Variants in QSER1 observed in about 807,000 individuals in gnomAD.
QSER1 encodes the protein glutamine and serine-rich protein 1.
A neutral mutation model predicts 158.5 loss-of-function variants in QSER1; 49 were observed. The ratio of observed to expected loss-of-function variants is 0.31; its 90% CI spans 0.25 to 0.39. QSER1 has a LOEUF of 0.39. Ranked by LOEUF, QSER1 falls within the 10% of genes least tolerant of loss-of-function variation. QSER1 has a pLI of 1.00. For synonymous variants in QSER1, 650 were observed against 715.5 expected (o/e 0.91, Z 1.46); for missense variants, 1,754 against 2,010.3 (o/e 0.87, Z 2.44).
chr11:32,922,517 C>G (rs1047761821), intron 1 of QSER1, among the ~76,000 whole-genome samples: 7 of 141,390 alleles, frequency 5.0e-5, no homozygotes, highest in African/African-American at 1.9e-4. Flanking sequence ...CAGAGTCTCA[C>G]TCTGTCACCC....
chr11:32,946,471 T>C (rs1254937359), intron 4 of QSER1, among the ~76,000 whole-genome samples: 1 of 152,074 alleles, frequency 6.6e-6, no homozygotes, highest in East Asian at 1.9e-4. Context: ...GACCCTCAGC[T>C]GCAGGTCTGT....
At position 32,892,947 on chromosome 11, in the gene QSER1, G is replaced by T. The variant is rs1851500591; in HGVS notation, c.-179G>T. Among the ~76,000 whole-genome samples the T allele has an allele frequency of 6.9e-6, 1 of 144,532 alleles. No homozygotes were observed. The highest frequency in any genetic ancestry group is 1.5e-5 in the Non-Finnish European group (1 of 65,700). The allele number at this position is 144,532 out of a possible 152,430, so 94.8% of individuals were successfully genotyped here. A position where few individuals can be genotyped will look rare whatever the true frequency, so the allele number is the denominator to read the frequency against. The stretch of plus-strand genomic sequence containing the variant: ...CGCCCGCCGCGGCCCGGGTCTTTGC[G>T]GCCCAGACTCGCCAGCGCGCCCTTC... On this transcript the variant is annotated 5_prime_UTR_variant, in exon 1 of 13. Transcript: ENST00000650167.
At chr11:32,907,379 T>G (rs143306418) in intron 1 of QSER1, among the ~76,000 whole-genome samples, 15 of 152,362 alleles carry the variant, frequency 9.8e-5, no homozygotes, top group Non-Finnish European at 1.9e-4. Context: ...TTGTGATAAA[T>G]GTATTTTTGG....
At chr11:32,958,495 C>G (rs1330905403) in intron 8 of QSER1, among the ~76,000 whole-genome samples, 1 of 152,094 alleles carries the variant, frequency 6.6e-6, no homozygotes, top group East Asian at 1.9e-4. Flanking sequence ...TCGTAACTCT[C>G]CTACCTCAGC....
chr11:32,956,780 A>G (rs187541627), intron 7 of QSER1, among the ~76,000 whole-genome samples: 50 of 152,248 alleles, frequency 3.3e-4, no homozygotes, highest in African/African-American at 1.2e-3. Context: ...GAAGAGAGCA[A>G]ATCTTTTTTA....
intron 1 of QSER1, among the ~76,000 whole-genome samples, chr11:32,896,904 A>G (rs1180602288): frequency 1.4e-4 from 21 of 152,206 alleles, no homozygotes; most frequent in Non-Finnish European, 8.8e-5. Flanking sequence ...TTTTTGGGAA[A>G]AGGCCTTATA....
intron 4 of QSER1, among the ~76,000 whole-genome samples, chr11:32,944,933 A>T (rs202193843): frequency 1.4e-5 from 2 of 139,194 alleles, no homozygotes; most frequent in Non-Finnish European, 3.1e-5. Context: ...TATTGGGTGC[A>T]TATATATTTA....
chr11:32,964,733 TATATATACACACACACAC>T (rs1852699704), intron 8 of QSER1, among the ~76,000 whole-genome samples: 4 of 115,288 alleles, frequency 3.5e-5, no homozygotes, highest in African/African-American at 9.7e-5. Flanking sequence ...TATATATATA[TATATATACACACACACAC>T]ACACACACAC....
At chr11:32,923,038 GTC>G (rs1267003697) in intron 1 of QSER1, among the ~76,000 whole-genome samples, 1 of 152,106 alleles carries the variant, frequency 6.6e-6, no homozygotes, top group African/African-American at 2.4e-5. Flanking sequence ...TGCCCCAGAT[GTC>G]TCTCAACTGG....
rs370910671 is a variant in QSER1, at chr11:32,974,657, A to G, written c.5359-591A>G. Among the ~76,000 whole-genome samples, 26 of 152,342 alleles carry G rather than the reference A, an allele frequency of 1.7e-4. No homozygotes were observed. In the South Asian group the frequency reaches 2.7e-3, roughly 16 times the overall value. ...TGAGTGCCTATAGTATGCCAAGTAC[A>G]GTTCTAAGTACTAGAGATACAACAG... On this transcript the variant is annotated intron_variant, in intron 11 of 12. Coordinates refer to ENST00000650167, the MANE Select transcript of QSER1 (RefSeq NM_001076786.3).
At chr11:32,925,530 A>C (rs933862085) in intron 1 of QSER1, among the ~76,000 whole-genome samples, 1 of 130,338 alleles carries the variant, frequency 7.7e-6, no homozygotes, top group African/African-American at 2.7e-5. Context: ...TTATTTATTT[A>C]TTTATTTATT....
chr11:32,893,209 C>T lies in QSER1; in HGVS notation c.84C>T (p.Ala28=), dbSNP rs1280589161. The change falls in exon 1 of 13, where the codon GCC becomes GCT. Residue 28 remains alanine, a synonymous_variant. Transcript: ENST00000650167. This position sits in a 1 kb window ranked among gnomAD's most constrained non-coding sequence, Gnocchi z 4.7. ...PPAPPAAPVP[A]SAAAQPPAPA... is the part of the protein sequence containing the mutation. ...CGCCCCCCGCCGCCCCCGTCCCCGC[C>T]AGCGCCGCTGCGCAGCCCCCCGCCC... The T allele has an allele frequency of 6.7e-6, 1 of 148,260 alleles. No homozygotes were observed. The highest frequency in any genetic ancestry group is 2.0e-4 in the East Asian group (1 of 5,034). 9.2% of individuals were successfully genotyped at this position (148,260 alleles called of 1,614,324 possible).
Position 32,964,751 on chromosome 11 carries a change from C to T in QSER1, c.4970-1549C>T, listed in dbSNP as rs1386491597. Among the ~76,000 whole-genome samples, 179 of 134,112 alleles carry T rather than the reference C, an allele frequency of 1.3e-3. 3 individuals are homozygous for T. Among genetic ancestry groups the T allele is most frequent in the East Asian group, 0.012 (56 of 4,826 alleles). 88.0% of individuals were successfully genotyped at this position (134,112 alleles called of 152,430 possible). On this transcript the variant is annotated intron_variant, in intron 8 of 12. Coordinates refer to ENST00000650167, the MANE Select transcript of QSER1 (RefSeq NM_001076786.3). ...ATATATATATATATACACACACACA[C>T]ACACACACACACACACACACACACA...
chr11:32,914,627 A>G (rs1293387622), intron 1 of QSER1, among the ~76,000 whole-genome samples: 1 of 152,146 alleles, frequency 6.6e-6, no homozygotes, highest in East Asian at 1.9e-4. Flanking sequence ...AATGTGTTTT[A>G]TTTCTTAAGC....
chr11:32,963,190 C>T (rs1427021590), intron 8 of QSER1, among the ~76,000 whole-genome samples: 1 of 152,222 alleles, frequency 6.6e-6, no homozygotes, highest in Non-Finnish European at 1.5e-5. Context: ...AGGTCTCACT[C>T]TGTCACCCAG....
At chr11:32,926,076 G>A (rs985065533) in intron 1 of QSER1, 1 of 152,068 alleles carries the variant, frequency 6.6e-6, no homozygotes, top group Non-Finnish European at 1.5e-5. Flanking sequence ...TTGGGTGACA[G>A]AGACCCTGTC....
At position 32,932,185 on chromosome 11, in the gene QSER1, A is replaced by G; in HGVS notation, c.927A>G (p.Arg309=). The change falls in exon 4 of 13, where the codon AGA becomes AGG. Residue 309 remains arginine, a synonymous_variant. Transcript: ENST00000650167. The part of the protein sequence containing the change: ...LFTSSTASIE[R]ALLRECSVIK... ...CTAGTTCTACTGCTTCCATTGAAAG[A>G]GCTCTTCTTCGAGAATGTAGTGTTA... The G allele has an allele frequency of 1.2e-6, 2 of 1,614,202 alleles. No homozygotes were observed. Among genetic ancestry groups the G allele is most frequent in the Non-Finnish European group, 1.7e-6 (2 of 1,180,040 alleles).
chr11:32,952,368 A>G (rs1420859089), intron 4 of QSER1, among the ~76,000 whole-genome samples: 3 of 147,278 alleles, frequency 2.0e-5, no homozygotes, highest in Non-Finnish European at 3.0e-5. Context: ...ACCTATTGAA[A>G]TGATCCTGTG....
chr11:32,931,948 A>G lies in QSER1; in HGVS notation c.690A>G (p.Gln230=), dbSNP rs773703107. The G allele has an allele frequency of 6.2e-7, 1 of 1,614,190 alleles. No homozygotes were observed. Among genetic ancestry groups the G allele is most frequent in the Non-Finnish European group, 8.5e-7 (1 of 1,180,016 alleles). The change falls in exon 4 of 13, where the codon CAA becomes CAG. Residue 230 remains glutamine, a synonymous_variant. Transcript: ENST00000650167. ...GILSHHDPLL[Q]IKTSQGTVPT... is the part of the protein sequence containing the mutation. ...TAAGTCATCATGACCCTTTGCTACA[A>G]ATCAAGACTTCCCAGGGAACTGTTC...
Sources: allele counts gnomAD v4.1 joint callset (sites outside exome capture counted in the v4.1 genomes callset), GRCh38; gene constraint gnomAD v4.1.1; non-coding constraint Gnocchi (gnomAD v3.1); transcripts MANE v1.5; gene names NCBI Gene and HGNC (gene_info 2026-07-23, HGNC 2026-07-21).